AFF3: variants seen among roughly 807,000 people sequenced by gnomAD.
AFF3 encodes ALF transcription elongation factor 3.
In AFF3, 32 loss-of-function variants were observed where a neutral mutation model predicts 129.7. That is an observed-to-expected ratio of 0.25 (90% CI 0.19 to 0.33). The LOEUF is 0.33. AFF3 is among the 10% of genes least tolerant of loss of function. The pLI is 1.00. For missense variants in AFF3, 1,373 were observed against 1,592.0 expected (o/e 0.86, Z 2.34); for synonymous variants, 644 against 635.4 (o/e 1.01, Z -0.20).
chr2:99,649,676 A>G lies in AFF3; in HGVS notation c.1144-10T>C, dbSNP rs571596529. On this transcript the variant is annotated splice_polypyrimidine_tract_variant and intron_variant, in intron 12 of 24. Coordinates refer to ENST00000672756, the MANE Select transcript of AFF3 (RefSeq NM_001386135.1). ...TTCTCTGAGCTGCCTGCTGGAAGAAAGAAAGGGCAGAGATGTTTATTTAAT... is the reference window on the plus strand; with the variant it reads ...TTCTCTGAGCTGCCTGCTGGAAGAAGGAAAGGGCAGAGATGTTTATTTAAT... 94 of 1,614,156 alleles carry G rather than the reference A, an allele frequency of 5.8e-5. No individual in the cohort carries two copies. Among genetic ancestry groups the G allele is most frequent in the Middle Eastern group, 1.6e-4 (1 of 6,062 alleles).
chr2:99,975,875 A>T (rs980800685), intron 7 of AFF3, among the ~76,000 whole-genome samples: 1 of 150,252 alleles, frequency 6.7e-6, no homozygotes, highest in African/African-American at 2.4e-5. Context: ...AATGAAAAAA[A>T]AAAAAAAGAA....
intron 12 of AFF3, among the ~76,000 whole-genome samples, chr2:99,664,214 T>C (rs1338203522): frequency 6.6e-6 from 1 of 152,238 alleles, no homozygotes; most frequent in East Asian, 1.9e-4. Flanking sequence ...AGAAAGCTGA[T>C]TCTCAGATAT....
intron 7 of AFF3, among the ~76,000 whole-genome samples, chr2:99,960,678 C>T (rs545149504): frequency 6.6e-6 from 1 of 152,314 alleles, no homozygotes; most frequent in South Asian, 2.1e-4. Context: ...CTCTCCTGTC[C>T]TATCCTTTGT....
intron 13 of AFF3, among the ~76,000 whole-genome samples, chr2:99,626,075 A>G (rs1327839060): frequency 6.6e-6 from 1 of 152,190 alleles, no homozygotes; most frequent in Non-Finnish European, 1.5e-5. Context: ...GCTGAGTGCC[A>G]CCCATCGGAA....
At chr2:99,881,654 G>C (rs983558529) in intron 7 of AFF3, among the ~76,000 whole-genome samples, 1 of 152,148 alleles carries the variant, frequency 6.6e-6, no homozygotes, top group Non-Finnish European at 1.5e-5. Flanking sequence ...GAAAATCTGA[G>C]AAACCTGTGC....
At chr2:100,113,867 T>G (rs765198946) in intron 2 of AFF3, among the ~76,000 whole-genome samples, 4 of 151,176 alleles carry the variant, frequency 2.6e-5, no homozygotes, top group African/African-American at 4.9e-5. Context: ...GTGGTCAAAG[T>G]GTTGCCTTGA....
intron 13 of AFF3, among the ~76,000 whole-genome samples, chr2:99,647,537 T>C (rs959523703): frequency 6.6e-6 from 1 of 152,172 alleles, no homozygotes; most frequent in African/African-American, 2.4e-5. Flanking sequence ...GATGCTGGGC[T>C]TAATACCTAG....
chr2:100,105,213 T>C (rs1180817972), intron 3 of AFF3: 1 of 773,004 alleles, frequency 1.3e-6, no homozygotes, highest in African/African-American at 1.9e-5. Context: ...CGGCCCAGAA[T>C]CCACTTGACC....
intron 13 of AFF3, among the ~76,000 whole-genome samples, chr2:99,639,378 C>G (rs934228410): frequency 1.6e-4 from 24 of 152,180 alleles, no homozygotes; most frequent in African/African-American, 5.8e-4. Context: ...GTGAGGGACA[C>G]CTCTGTGGCC....
In AFF3 at chr2:99,550,744, A is replaced by C; in HGVS notation, c.*730T>G. 4.3e-6 allele frequency: 1 copy of C among 233,322 alleles called. No homozygotes were observed. The highest frequency in any genetic ancestry group is 8.5e-6 in the Non-Finnish European group (1 of 118,134). The allele number at this position is 233,322 out of a possible 1,614,324, so 14.5% of individuals were successfully genotyped here. On this transcript the variant is annotated 3_prime_UTR_variant, in exon 25 of 25. Coordinates refer to ENST00000672756, the MANE Select transcript of AFF3 (RefSeq NM_001386135.1). The stretch of plus-strand genomic sequence containing the variant: ...TTTGCTAAATCTCAGTGCCATTTGC[A>C]TACTACTTGGAGGTGGGGCTGGGAA...
chr2:99,652,660 A>G (rs1291601982), intron 12 of AFF3, among the ~76,000 whole-genome samples: 1 of 152,088 alleles, frequency 6.6e-6, no homozygotes, highest in Non-Finnish European at 1.5e-5. Context: ...TTTGCCATTC[A>G]TTTGCTATGG....
At chr2:99,675,180 C>T (rs1030401420) in intron 11 of AFF3, among the ~76,000 whole-genome samples, 4 of 152,150 alleles carry the variant, frequency 2.6e-5, no homozygotes, top group African/African-American at 7.2e-5. Context: ...ATTGTGTTTC[C>T]GGCTGGGTTC....
At chr2:100,042,143 G>T (rs1211252160) in intron 4 of AFF3, among the ~76,000 whole-genome samples, 1 of 151,920 alleles carries the variant, frequency 6.6e-6, no homozygotes, top group Non-Finnish European at 1.5e-5. Flanking sequence ...TTTGTCTCTT[G>T]AACAAGCTAA....
intron 1 of AFF3, among the ~76,000 whole-genome samples, chr2:100,140,509 T>C (rs1033796688): frequency 6.6e-6 from 1 of 152,224 alleles, no homozygotes; most frequent in Non-Finnish European, 1.5e-5. Flanking sequence ...CCAACGCTGC[T>C]ATTTCCCTGC....
chr2:100,021,467 C>A (rs190131128), intron 4 of AFF3, among the ~76,000 whole-genome samples: 1 of 152,168 alleles, frequency 6.6e-6, no homozygotes, highest in Non-Finnish European at 1.5e-5. Flanking sequence ...ATGCATATCA[C>A]CATTTGAACA....
chr2:99,693,871 C>T (rs1202841616), intron 11 of AFF3, among the ~76,000 whole-genome samples: 1 of 152,088 alleles, frequency 6.6e-6, no homozygotes, highest in Non-Finnish European at 1.5e-5. Flanking sequence ...GTTATCCCAT[C>T]TAAAATCTAG....
At chr2:99,613,107 A>G (rs533496007) in intron 13 of AFF3, among the ~76,000 whole-genome samples, 11 of 152,326 alleles carry the variant, frequency 7.2e-5, no homozygotes, top group Middle Eastern at 3.4e-3. Context: ...CTATTCATGT[A>G]TTACTGAATT....
At chr2:99,841,731 A>T (rs1281204074) in intron 7 of AFF3, among the ~76,000 whole-genome samples, 2 of 152,204 alleles carry the variant, frequency 1.3e-5, no homozygotes, top group Non-Finnish European at 2.9e-5. Context: ...GCCATGGCTC[A>T]GAGAAGTGAA....
intron 7 of AFF3, among the ~76,000 whole-genome samples, chr2:99,987,959 G>A (rs1020459727): frequency 2.6e-5 from 4 of 152,166 alleles, no homozygotes; most frequent in African/African-American, 9.7e-5. Context: ...TGAAGCACCT[G>A]CATGTTAAGC....
Sources: gnomAD v4.1 joint callset for allele counts (sites outside exome capture counted in the v4.1 genomes callset) on GRCh38, gnomAD v4.1.1 for gene constraint, MANE v1.5 for transcripts, NCBI Gene and HGNC (gene_info 2026-07-23, HGNC 2026-07-21) for gene names.